Variants in PRR16 observed in about 807,000 individuals in gnomAD.
The protein encoded by PRR16 is protein Largen.
PRR16 carries 6 observed loss-of-function variants against 18.2 expected under a neutral mutation model. The ratio of observed to expected loss-of-function variants is 0.33; its 90% CI spans 0.18 to 0.65. The LOEUF is 0.65. PRR16 is among the 30% of genes least tolerant of loss of function. The probability of loss-of-function intolerance (pLI) is 0.74; values close to 1 mark genes in which losing one functional copy is unlikely to be tolerated. For missense variants in PRR16, 412 were observed against 376.6 expected (o/e 1.09, Z -0.78); for synonymous variants, 151 against 147.8 (o/e 1.02, Z -0.16).
chr5:120,625,498 C>A (rs1204550020), intron 1 of PRR16, among the ~76,000 whole-genome samples: 1 of 152,066 alleles, frequency 6.6e-6, no homozygotes, highest in East Asian at 1.9e-4. Flanking sequence ...CCACCATGCC[C>A]AGCTAATCTT....
At chr5:120,535,621 G>A (rs1580697847) in intron 1 of PRR16, among the ~76,000 whole-genome samples, 1 of 152,136 alleles carries the variant, frequency 6.6e-6, no homozygotes, top group East Asian at 1.9e-4. Flanking sequence ...CCAACATGGT[G>A]AAATCACGTC....
At chr5:120,723,520 TGTCA>T in the PRR16 span, among the ~76,000 whole-genome samples, 1 of 152,052 alleles carries the variant, frequency 6.6e-6, no homozygotes, top group Non-Finnish European at 1.5e-5. Flanking sequence ...AATGTGCTGA[TGTCA>T]AATAACATTG....
intron 1 of PRR16, among the ~76,000 whole-genome samples, chr5:120,662,332 T>C (rs1430287039): frequency 6.6e-6 from 1 of 152,130 alleles, no homozygotes; most frequent in African/African-American, 2.4e-5. Flanking sequence ...TTCCCTTCTG[T>C]AGTCACAGTG....
At chr5:120,742,444 T>C in the PRR16 span, among the ~76,000 whole-genome samples, 15 of 151,796 alleles carry the variant, frequency 9.9e-5, no homozygotes, top group Non-Finnish European at 1.8e-4. Context: ...ATCTTCATTA[T>C]GTATTTTTTA....
intron 1 of PRR16, among the ~76,000 whole-genome samples, chr5:120,557,699 T>C (rs1320773259): frequency 2.6e-5 from 4 of 151,934 alleles, no homozygotes; most frequent in Admixed American, 2.6e-4. Flanking sequence ...TATTCTTAAC[T>C]ATGGATTTTA....
At chr5:120,672,235 GGTCT>G (rs1268997200) in intron 1 of PRR16, among the ~76,000 whole-genome samples, 1 of 87,290 alleles carries the variant, frequency 1.1e-5, no homozygotes, top group African/African-American at 4.0e-5. Context: ...GCAGGTGAGG[GGTCT>G]GTGTGTGTGT....
chr5:120,626,249 A>G (rs867988183), intron 1 of PRR16, among the ~76,000 whole-genome samples: 1 of 152,174 alleles, frequency 6.6e-6, no homozygotes, highest in Non-Finnish European at 1.5e-5. Flanking sequence ...AATATGATAT[A>G]CCTATACAAT....
At chr5:120,500,050 G>A (rs1183119310) in intron 1 of PRR16, among the ~76,000 whole-genome samples, 1 of 152,128 alleles carries the variant, frequency 6.6e-6, no homozygotes, top group East Asian at 1.9e-4. Flanking sequence ...CCATGCCAAT[G>A]TGGAGTGGAG....
At chr5:120,569,688 A>G (rs1490982029) in intron 1 of PRR16, among the ~76,000 whole-genome samples, 2 of 152,124 alleles carry the variant, frequency 1.3e-5, no homozygotes, top group African/African-American at 4.8e-5. Flanking sequence ...GTGTCCTGTC[A>G]TGTTCCGGAG....
chr5:120,737,642 T>C, the PRR16 span, among the ~76,000 whole-genome samples: 3 of 151,644 alleles, frequency 2.0e-5, no homozygotes, highest in East Asian at 5.8e-4. Flanking sequence ...TTTCTTTCTT[T>C]CTTTTTTTTT....
At chr5:120,669,798 A>C (rs1756532914) in intron 1 of PRR16, among the ~76,000 whole-genome samples, 1 of 152,110 alleles carries the variant, frequency 6.6e-6, no homozygotes, top group South Asian at 2.1e-4. Flanking sequence ...TCACAACGTA[A>C]AATATGCTAA....
At chr5:120,630,245 T>G (rs569390975) in intron 1 of PRR16, among the ~76,000 whole-genome samples, 1 of 152,308 alleles carries the variant, frequency 6.6e-6, no homozygotes, top group African/African-American at 2.4e-5. Flanking sequence ...CTTGTTCATT[T>G]TCTTGTTCAC....
chr5:120,649,156 C>G (rs1164179829), intron 1 of PRR16, among the ~76,000 whole-genome samples: 1 of 152,028 alleles, frequency 6.6e-6, no homozygotes, highest in Non-Finnish European at 1.5e-5. Flanking sequence ...GAAGATATAA[C>G]TTAAGTCATG....
chr5:120,759,786 A>T, the PRR16 span, among the ~76,000 whole-genome samples: 273 of 152,316 alleles, frequency 1.8e-3, no homozygotes, highest in African/African-American at 6.3e-3. Flanking sequence ...AAAGGTGCTG[A>T]CCTAAGTAAT....
intron 1 of PRR16, chr5:120,618,503 CAA>C (rs1283453429): frequency 2.1e-6 from 2 of 964,550 alleles, no homozygotes; most frequent in Non-Finnish European, 2.5e-6. Context: ...TGTTGTAAAA[CAA>C]GAGGGAATGG....
intron 1 of PRR16, among the ~76,000 whole-genome samples, chr5:120,659,554 A>G (rs1004059042): frequency 2.6e-5 from 4 of 152,028 alleles, no homozygotes; most frequent in African/African-American, 9.7e-5. Context: ...CATCTCAAAC[A>G]TTTATCTTTT....
chr5:120,661,990 C>T (rs75324371), intron 1 of PRR16, among the ~76,000 whole-genome samples: 10,926 of 152,074 alleles, frequency 0.072, 519 homozygotes, highest in Middle Eastern at 0.27. Flanking sequence ...CACATATGTA[C>T]ATATGAGGTT....
chr5:120,761,809 T>C, the PRR16 span, among the ~76,000 whole-genome samples: 5 of 152,220 alleles, frequency 3.3e-5, no homozygotes, highest in African/African-American at 4.8e-5. Flanking sequence ...ACATTGGAAT[T>C]TATTCGTTCT....
intron 1 of PRR16, among the ~76,000 whole-genome samples, chr5:120,624,189 A>G (rs1368519022): frequency 6.6e-6 from 1 of 152,146 alleles, no homozygotes; most frequent in East Asian, 1.9e-4. Context: ...TCCTTTCTGC[A>G]GTATTAAAGA....
Sources: gnomAD v4.1 joint callset for allele counts (sites outside exome capture counted in the v4.1 genomes callset) on GRCh38, gnomAD v4.1.1 for gene constraint, MANE v1.5 for transcripts, NCBI Gene and HGNC (gene_info 2026-07-23, HGNC 2026-07-21) for gene names.